Variants in SEC24A observed in about 807,000 individuals in gnomAD.
SEC24A encodes protein transport protein Sec24A.
SEC24A carries 93 observed loss-of-function variants against 129.4 expected under a neutral mutation model. The ratio of observed to expected loss-of-function variants is 0.72; its 90% CI spans 0.61 to 0.85. The LOEUF (loss-of-function observed/expected upper bound fraction) is 0.85. SEC24A is among the 40% of genes least tolerant of loss of function. The pLI is 0.00. For synonymous variants in SEC24A, 460 were observed against 467.3 expected (o/e 0.98, Z 0.20); for missense variants, 1,264 against 1,307.4 (o/e 0.97, Z 0.51).
intron 20 of SEC24A, among the ~76,000 whole-genome samples, chr5:134,720,508 C>T (rs1752599825): frequency 6.6e-6 from 1 of 152,198 alleles, no homozygotes; most frequent in Non-Finnish European, 1.5e-5. Context: ...TTCCTTGTTT[C>T]ATGCCAAGCA....
At chr5:134,687,902 G>A (rs1007517510) in intron 10 of SEC24A, among the ~76,000 whole-genome samples, 5 of 152,034 alleles carry the variant, frequency 3.3e-5, no homozygotes, top group African/African-American at 1.2e-4. Context: ...TTAACATACT[G>A]TTTCCTAAGT....
intron 20 of SEC24A, among the ~76,000 whole-genome samples, chr5:134,718,522 C>T (rs1323402222): frequency 2.6e-4 from 40 of 152,036 alleles, no homozygotes; most frequent in Non-Finnish European, 7.4e-5. Flanking sequence ...GATGACATCT[C>T]TATGCATGTT....
chr5:134,712,350 A>G (rs1335228016), intron 18 of SEC24A, among the ~76,000 whole-genome samples: 1 of 151,680 alleles, frequency 6.6e-6, no homozygotes, highest in Admixed American at 6.6e-5. Context: ...TCCCGGGTTC[A>G]AGTGATTCTC....
At chr5:134,650,313 A>G (rs147941584) in intron 1 of SEC24A, among the ~76,000 whole-genome samples, 170 of 152,292 alleles carry the variant, frequency 1.1e-3, no homozygotes, top group African/African-American at 3.9e-3. Context: ...TACACTGAGG[A>G]TGAGAAAAAA....
intron 1 of SEC24A, among the ~76,000 whole-genome samples, chr5:134,655,239 T>C (rs770423300): frequency 1.5e-4 from 23 of 152,176 alleles, no homozygotes; most frequent in Non-Finnish European, 2.8e-4. Context: ...ACCATTATTA[T>C]AGCAGGTTCC....
At chr5:134,703,690 A>T in intron 15 of SEC24A, 69 bp from the exon 16 acceptor site, 2 of 1,041,242 alleles carry the variant, frequency 1.9e-6, no homozygotes, top group Non-Finnish European at 2.9e-6. Context: ...CTGATAAGTA[A>T]CTAGGATAAA....
At chr5:134,701,399 T>C (rs1469248523) in intron 15 of SEC24A, 1 of 152,204 alleles carries the variant, frequency 6.6e-6, no homozygotes, top group Admixed American at 6.5e-5. Context: ...AAGGGAAGTG[T>C]ACATCCTAAT....
In SEC24A at chr5:134,703,944, G is replaced by GT. The variant is rs201628606; in HGVS notation, c.2440+21dup. The GT allele has an allele frequency of 2.7e-3, 3,938 of 1,483,160 alleles. 20 individuals carry two copies. Among genetic ancestry groups the GT allele is most frequent in the African/African-American group, 0.025 (1,755 of 70,298 alleles). 91.9% of individuals were successfully genotyped at this position (1,483,160 alleles called of 1,614,324 possible). ...TACATCCAGCAAAGGTAAATTGTTT[G>GT]TTTTTTTTTGGATTTCAAATGTTCA... On this transcript the variant is annotated intron_variant, in intron 16 of 22. Transcript: ENST00000398844.
intron 13 of SEC24A, among the ~76,000 whole-genome samples, chr5:134,694,768 A>C (rs1445250171): frequency 6.6e-6 from 1 of 151,450 alleles, no homozygotes; most frequent in Non-Finnish European, 1.5e-5. Flanking sequence ...GCAGTGAGCC[A>C]AGATCGCACC....
At chr5:134,709,391 A>T (rs890416776) in intron 18 of SEC24A, among the ~76,000 whole-genome samples, 4 of 152,202 alleles carry the variant, frequency 2.6e-5, no homozygotes, top group African/African-American at 9.6e-5. Flanking sequence ...GAGAAAACTG[A>T]TTCAGAGCAA....
intron 13 of SEC24A, among the ~76,000 whole-genome samples, chr5:134,696,798 A>ATT (rs1554140627): frequency 7.2e-6 from 1 of 139,426 alleles, no homozygotes; most frequent in South Asian, 2.3e-4. Context: ...GCACCCGGCC[A>ATT]TTTTTTTTTT....
At chr5:134,710,336 A>G (rs1018692844) in intron 18 of SEC24A, among the ~76,000 whole-genome samples, 3 of 151,592 alleles carry the variant, frequency 2.0e-5, no homozygotes, top group Non-Finnish European at 1.5e-5. Flanking sequence ...CGTTCAGGCA[A>G]TTCTCTCGCC....
chr5:134,691,471 G>A (rs2150095774), intron 11 of SEC24A, among the ~76,000 whole-genome samples: 1 of 147,096 alleles, frequency 6.8e-6, no homozygotes, highest in African/African-American at 2.5e-5. Context: ...CCAGCCCATA[G>A]TCCCTTTTTA....
rs562776150 is a variant in SEC24A at position 134,703,893 on chromosome 5, G to T, written c.2401G>T (p.Val801Phe). Reference protein sequence around the residue: ...VEESLTDTQLVSFQSALLYTS... With the variant: ...VEESLTDTQLFSFQSALLYTS... ...AGAGAGTCTTACTGACACTCAGTTG[G>T]TTTCTTTTCAGTCAGCACTCTTGTA... The change falls in exon 16 of 23, where the codon GTT becomes TTT. Residue 801 changes from valine (V) to phenylalanine (F), a missense_variant. Val to Phe is a conservative substitution (Grantham distance 50, BLOSUM62 -1). Coordinates refer to ENST00000398844, the MANE Select transcript of SEC24A (RefSeq NM_021982.3). The T allele has an allele frequency of 6.2e-7, 1 of 1,609,094 alleles. No homozygotes were observed. The highest frequency in any genetic ancestry group is 1.1e-5 in the South Asian group (1 of 90,766).
At chr5:134,677,805 C>T (rs1216190855) in intron 7 of SEC24A, among the ~76,000 whole-genome samples, 1 of 149,624 alleles carries the variant, frequency 6.7e-6, no homozygotes, top group East Asian at 2.0e-4. Context: ...CACTGTACTC[C>T]AGTCTGGGCA....
intron 2 of SEC24A, among the ~76,000 whole-genome samples, chr5:134,662,662 A>T (rs1333621052): frequency 6.6e-6 from 1 of 152,170 alleles, no homozygotes; most frequent in Non-Finnish European, 1.5e-5. Context: ...TTGATCAGAC[A>T]TTGGCCCTGG....
chr5:134,694,517 GGC>G (rs773104042), intron 13 of SEC24A, among the ~76,000 whole-genome samples: 77 of 152,118 alleles, frequency 5.1e-4, no homozygotes, highest in Admixed American at 1.8e-3. Flanking sequence ...TGTGGTGGCG[GGC>G]GCTGTAATCC....
At position 134,695,902 on chromosome 5, in the gene SEC24A, G is replaced by A. The variant is rs112016784; in HGVS notation, c.1987-1224G>A. Among the ~76,000 whole-genome samples, 321 of 144,172 alleles carry A rather than the reference G, an allele frequency of 2.2e-3. 1 individual carries two copies. The highest frequency in any genetic ancestry group is 7.9e-3 in the African/African-American group (302 of 38,356). The allele number at this position is 144,172 out of a possible 152,430, so 94.6% of individuals were successfully genotyped here. A position where few individuals can be genotyped will look rare whatever the true frequency, so the allele number is the denominator to read the frequency against. On this transcript the variant is annotated intron_variant, in intron 13 of 22. Transcript: ENST00000398844. ...CCGGGAGGCAGTGAGCTGAGATCAC[G>A]CCACTGCACTCCAGCCTGGGTGACA...
intron 1 of SEC24A, among the ~76,000 whole-genome samples, chr5:134,654,636 AAAT>A (rs59508525): frequency 0.11 from 17,164 of 152,210 alleles, 1,147 homozygotes; most frequent in East Asian, 0.27. Flanking sequence ...CGCTAAAGGC[AAAT>A]AATGACTCCC....
Sources: gnomAD v4.1 joint callset for allele counts (sites outside exome capture counted in the v4.1 genomes callset) on GRCh38, gnomAD v4.1.1 for gene constraint, MANE v1.5 for transcripts, NCBI Gene and HGNC (gene_info 2026-07-23, HGNC 2026-07-21) for gene names.